The following SMURF1 variants were observed in gnomAD, a reference collection of about 807,000 sequenced individuals.
The protein encoded by SMURF1 is SMAD specific E3 ubiquitin protein ligase 1.
In SMURF1, 44 loss-of-function variants were observed where a neutral mutation model predicts 98.0. The ratio of observed to expected loss-of-function variants is 0.45; its 90% CI spans 0.35 to 0.58. The LOEUF is 0.58. Ranked by LOEUF, SMURF1 falls within the 20% of genes least tolerant of loss-of-function variation. The pLI is 0.00. For synonymous variants in SMURF1, 396 were observed against 374.9 expected (o/e 1.06, Z -0.65); for missense variants, 687 against 938.4 (o/e 0.73, Z 3.50).
intron 11 of SMURF1, 138 bp downstream of exon 11, chr7:99,045,560 A>C (rs900416316): frequency 1.5e-6 from 1 of 671,136 alleles, no homozygotes; most frequent in Non-Finnish European, 2.6e-6. Flanking sequence ...AAGCCAGTGC[A>C]TGATGGCCCG....
At chr7:99,127,656 TC>T (rs1239182889) in intron 1 of SMURF1, among the ~76,000 whole-genome samples, 2 of 152,348 alleles carry the variant, frequency 1.3e-5, no homozygotes, top group Admixed American at 6.5e-5. Flanking sequence ...GTATGTATTA[TC>T]TACTTAGAAA....
intron 1 of SMURF1, among the ~76,000 whole-genome samples, chr7:99,081,675 GAC>G (rs569309736): frequency 4.3e-4 from 66 of 151,736 alleles, no homozygotes; most frequent in African/African-American, 1.6e-3. Flanking sequence ...TCTTTTTGGA[GAC>G]AGTCTTGCTC....
At chr7:99,069,310 T>TC (rs1237589040) in intron 1 of SMURF1, among the ~76,000 whole-genome samples, 1 of 152,174 alleles carries the variant, frequency 6.6e-6, no homozygotes, top group Non-Finnish European at 1.5e-5. Flanking sequence ...GTGGCTTTGT[T>TC]CCCCAGCTAA....
intron 1 of SMURF1, among the ~76,000 whole-genome samples, chr7:99,099,329 G>A (rs1261155489): frequency 6.6e-6 from 1 of 151,780 alleles, no homozygotes; most frequent in Admixed American, 6.6e-5. Flanking sequence ...CAATAGTCGA[G>A]GGAGGTTTTA....
intron 16 of SMURF1, among the ~76,000 whole-genome samples, chr7:99,034,380 T>TC (rs1179144877): frequency 6.6e-6 from 1 of 152,164 alleles, no homozygotes; most frequent in African/African-American, 2.4e-5. Context: ...ACAGGGACTA[T>TC]CTCTAAGCAG....
chr7:99,142,474 A>T (rs1476807760), intron 1 of SMURF1, among the ~76,000 whole-genome samples: 6 of 151,486 alleles, frequency 4.0e-5, no homozygotes, highest in Non-Finnish European at 2.9e-5. Flanking sequence ...TGAAGAGAGC[A>T]GGACTGGGAG....
intron 1 of SMURF1, among the ~76,000 whole-genome samples, chr7:99,106,646 G>A (rs1584186425): frequency 6.6e-6 from 1 of 152,286 alleles, no homozygotes; most frequent in East Asian, 1.9e-4. Context: ...CGGGAGCAGT[G>A]GTGTATGCCT....
intron 1 of SMURF1, 56 bp from the exon 2 acceptor site, chr7:99,061,893 G>A (rs1284082812): frequency 2.3e-6 from 3 of 1,327,624 alleles, no homozygotes; most frequent in Non-Finnish European, 3.2e-6. Context: ...TTCCATAATA[G>A]CTAATCTATA....
At chr7:99,106,656 T>C (rs1366942050) in intron 1 of SMURF1, among the ~76,000 whole-genome samples, 1 of 152,180 alleles carries the variant, frequency 6.6e-6, no homozygotes, top group Non-Finnish European at 1.5e-5. Context: ...GGTGTATGCC[T>C]GTAATCCCAA....
intron 1 of SMURF1, among the ~76,000 whole-genome samples, chr7:99,120,222 C>T (rs955207145): frequency 6.6e-6 from 1 of 152,192 alleles, no homozygotes; most frequent in Non-Finnish European, 1.5e-5. Context: ...CAACACCATG[C>T]TTTGTGTACA....
At chr7:99,115,863 C>T (rs1797432402) in intron 1 of SMURF1, among the ~76,000 whole-genome samples, 1 of 150,430 alleles carries the variant, frequency 6.6e-6, no homozygotes, top group South Asian at 2.1e-4. Context: ...GTGAGCTTTA[C>T]CATAAACATT....
intron 1 of SMURF1, among the ~76,000 whole-genome samples, chr7:99,087,896 G>A (rs1796719172): frequency 6.6e-6 from 1 of 151,854 alleles, no homozygotes; most frequent in African/African-American, 2.4e-5. Flanking sequence ...CATTTTCATT[G>A]TATAACTCTC....
chr7:99,063,261 A>ATAAGAAGATT (rs1563012690), intron 1 of SMURF1, among the ~76,000 whole-genome samples: 1 of 6,938 alleles, frequency 1.4e-4, no homozygotes, highest in Non-Finnish European at 3.8e-4. Context: ...ATATATATAT[A>ATAAGAAGATT]TATATATATA....
At position 99,030,598 on chromosome 7, in the gene SMURF1, A is replaced by G. The variant is rs1244371678; in HGVS notation, c.2182T>C (p.Phe728Leu). The G allele has an allele frequency of 6.2e-7, 1 of 1,613,836 alleles. No homozygotes were observed. The highest frequency in any genetic ancestry group is 1.3e-5 in the African/African-American group (1 of 74,842). ...TTGGTTGCTTTTCACTCCACAGCAA[A>G]CCCGCAGGTCTCCTCCACGGCTGTC... is the stretch of plus-strand genomic sequence containing the variant. ...LLTAVEETCGFAVE is the reference protein window; with the variant it reads ...LLTAVEETCGLAVE The change falls in exon 18 of 18, where the codon TTT (phenylalanine) becomes CTT (leucine). Residue 728 changes from phenylalanine (F) to leucine (L), a missense_variant. Coordinates refer to ENST00000361368, the MANE Select transcript of SMURF1 (RefSeq NM_181349.3).
At chr7:99,118,724 G>A (rs769964593) in intron 1 of SMURF1, among the ~76,000 whole-genome samples, 3 of 152,112 alleles carry the variant, frequency 2.0e-5, no homozygotes, top group African/African-American at 2.4e-5. Flanking sequence ...GGTGATGGTT[G>A]TACAACACTG....
At chr7:99,120,062 T>A (rs7789895) in intron 1 of SMURF1, among the ~76,000 whole-genome samples, 32,679 of 152,064 alleles carry the variant, frequency 0.21, 4,025 homozygotes, top group South Asian at 0.35. Flanking sequence ...CCCATGGTAA[T>A]GAGTCAGTTC....
intron 1 of SMURF1, among the ~76,000 whole-genome samples, chr7:99,135,527 TC>T (rs201784476): frequency 6.6e-6 from 1 of 152,102 alleles, no homozygotes; most frequent in Non-Finnish European, 1.5e-5. Context: ...TCATGCTTTT[TC>T]CCCCCACTCA....
At chr7:99,123,857 A>T (rs1212778918) in intron 1 of SMURF1, among the ~76,000 whole-genome samples, 1 of 152,206 alleles carries the variant, frequency 6.6e-6, no homozygotes, top group Non-Finnish European at 1.5e-5. Flanking sequence ...ACTTTAGTCC[A>T]CTTGCAAAAT....
At chr7:99,057,648 A>G in intron 3 of SMURF1, 97 bp from the exon 4 acceptor site, 1 of 1,357,170 alleles carries the variant, frequency 7.4e-7, no homozygotes, top group Non-Finnish European at 9.5e-7. Context: ...TGTTGCCCCC[A>G]GGCTGGAGTG....
Sources: gnomAD v4.1 joint callset for allele counts (sites outside exome capture counted in the v4.1 genomes callset) on GRCh38, gnomAD v4.1.1 for gene constraint, MANE v1.5 for transcripts, NCBI Gene and HGNC (gene_info 2026-07-23, HGNC 2026-07-21) for gene names.